The following DISP3 variants were observed in gnomAD, a reference collection of about 807,000 sequenced individuals.
The protein encoded by DISP3 is protein dispatched homolog 3.
DISP3 carries 101 observed loss-of-function variants against 135.3 expected under a neutral mutation model. The ratio of observed to expected loss-of-function variants is 0.75; its 90% CI spans 0.64 to 0.88. The LOEUF (loss-of-function observed/expected upper bound fraction) is 0.88, where lower values mean the gene tolerates loss of function less well. Among genes scored for constraint, DISP3 ranks in the 40% least tolerant of loss-of-function variants. DISP3 has a pLI of 0.00. For missense variants in DISP3, 1,713 were observed against 1,878.6 expected (o/e 0.91, Z 1.63); for synonymous variants, 856 against 817.0 (o/e 1.05, Z -0.81).
intron 1 of DISP3, among the ~76,000 whole-genome samples, chr1:11,496,632 C>A (rs780581943): frequency 2.0e-5 from 3 of 152,182 alleles, no homozygotes; most frequent in Non-Finnish European, 4.4e-5. Flanking sequence ...AACAAATTTA[C>A]AATTTGCTGC....
At chr1:11,527,937 CA>C (rs1196493098) in intron 13 of DISP3, among the ~76,000 whole-genome samples, 5 of 152,328 alleles carry the variant, frequency 3.3e-5, no homozygotes, top group African/African-American at 1.2e-4. Context: ...CACCTGCCAC[CA>C]TGCTGACCTG....
chr1:11,509,191 G>A lies in DISP3; in HGVS notation c.1317-5199G>A, dbSNP rs188821015. ...CTTAAAAGTGTGTTATTTAGTTTTC[G>A]AATATTTGGGAATTTTTCAGGCTTT... On this transcript the variant is annotated intron_variant, in intron 3 of 20. Transcript: ENST00000294484. Among the ~76,000 whole-genome samples, 119 of 151,626 alleles carry A rather than the reference G, an allele frequency of 7.8e-4. 1 individual carries two copies. The Middle Eastern group carries it at 0.017, about 22-fold the overall frequency.
chr1:11,533,471 G>A (rs1362476492), intron 17 of DISP3, among the ~76,000 whole-genome samples: 1 of 151,974 alleles, frequency 6.6e-6, no homozygotes, highest in East Asian at 1.9e-4. Context: ...TGGCCAGGCT[G>A]GTCTCGAACT....
rs777158859 is a variant in DISP3, at chr1:11,536,575, C to G, written c.4068C>G (p.Phe1356Leu). 4 of 1,612,232 alleles carry G rather than the reference C, an allele frequency of 2.5e-6. No homozygotes were observed. The highest frequency in any genetic ancestry group is 3.4e-6 in the Non-Finnish European group (4 of 1,179,908). The change falls in exon 21 of 21, where the codon TTC (phenylalanine) becomes TTG (leucine). Residue 1356 changes from phenylalanine (F) to leucine (L), a missense_variant. Physicochemically the swap from Phe to Leu is conservative, Grantham distance 22 (BLOSUM62 0). Around this residue, in one of 2 missense-constraint regions of DISP3, gnomAD observed 1,142 missense variants for 1,384.6 expected, o/e 0.82. Coordinates refer to ENST00000294484, the MANE Select transcript of DISP3 (RefSeq NM_020780.2). The surrounding 1 kb of genome is among the most constrained non-coding windows in gnomAD (Gnocchi z 4.3). The stretch of plus-strand genomic sequence containing the variant: ...CTTTCACTCGGACCCGGACTTCCTT[C>G]CTCAAGGCCCTGGGTGCCGTGCTGC... ...PSSFTRTRTS[F>L]LKALGAVLLA...
chr1:11,522,792 GAGCCCAGCCA>G (rs1375895505), intron 10 of DISP3, among the ~76,000 whole-genome samples: 2 of 141,088 alleles, frequency 1.4e-5, no homozygotes, highest in Non-Finnish European at 3.1e-5. Context: ...GGCCCAGCCA[GAGCCCAGCCA>G]GGACCCAGCC....
At chr1:11,523,470 G>C (rs896383209) in intron 10 of DISP3, among the ~76,000 whole-genome samples, 10 of 147,888 alleles carry the variant, frequency 6.8e-5, no homozygotes, top group African/African-American at 2.5e-4. Context: ...GTGGCACAGA[G>C]AGGGCAAGCG....
intron 3 of DISP3, among the ~76,000 whole-genome samples, chr1:11,508,723 G>A (rs1191895793): frequency 6.6e-6 from 1 of 152,060 alleles, no homozygotes; most frequent in Non-Finnish European, 1.5e-5. Context: ...TGCAATGTGA[G>A]GTAAGCACAT....
chr1:11,519,233 T>C lies in DISP3; in HGVS notation c.1890-122T>C. On this transcript the variant is annotated intron_variant, in intron 7 of 20. Transcript: ENST00000294484. This position sits in a 1 kb window ranked among gnomAD's most constrained non-coding sequence, Gnocchi z 4.3. ...AGCTCCCAGAAGTCTGGGGTGCTCA[T>C]CCTGTGTGTGACGTCAGCAGCACTG... 8.2e-7 allele frequency: 1 copy of C among 1,222,052 alleles called. No individual in the cohort carries two copies. Among genetic ancestry groups the C allele is most frequent in the Non-Finnish European group, 1.1e-6 (1 of 872,492 alleles). 75.7% of individuals were successfully genotyped at this position (1,222,052 alleles called of 1,614,324 possible).
rs372348817 is a variant in DISP3, at chr1:11,502,763, C to G, written c.1182C>G (p.Leu394=). Residue 394 remains leucine, a synonymous_variant, in exon 3 of 21, where the codon CTC becomes CTG. Transcript: ENST00000294484. ...CTGCAGACAATCTGAAGAGCTCCCT[C>G]CTGCGCAGTGAGATCCTGTTTGGAG... The part of the protein sequence containing the change: ...GLSADNLKSS[L]LRSEILFGAP... 39 of 1,614,092 alleles carry G rather than the reference C, an allele frequency of 2.4e-5. No homozygotes were observed. In the Admixed American group the frequency reaches 3.8e-4, roughly 16 times the overall value.
In DISP3 at chr1:11,501,482, C is replaced by G; in HGVS notation, c.490C>G (p.Arg164Gly). 6.2e-7 allele frequency: 1 copy of G among 1,605,818 alleles called. No individual in the cohort carries two copies. Among genetic ancestry groups the G allele is most frequent in the Middle Eastern group, 1.7e-4 (1 of 6,026 alleles). ...GCTGCAGCAGCTGCATCTCGGCAAC[C>G]GCTCGCGGCAAGCCTCCCGAGCCCC... is the stretch of plus-strand genomic sequence containing the variant. Reference protein sequence around the residue: ...EQLQQLHLGNRSRQASRAPRV... With the variant: ...EQLQQLHLGNGSRQASRAPRV... The change falls in exon 2 of 21, where the codon CGC becomes GGC. Residue 164 changes from arginine to glycine, a missense_variant. Around this residue, in one of 2 missense-constraint regions of DISP3, gnomAD observed 571 missense variants for 494.1 expected, o/e 1.16. Coordinates refer to ENST00000294484, the MANE Select transcript of DISP3 (RefSeq NM_020780.2). This position sits in a 1 kb window ranked among gnomAD's most constrained non-coding sequence, Gnocchi z 4.9.
chr1:11,537,057 C>G lies in DISP3; in HGVS notation c.*371C>G. 1 of 213,952 alleles carries G rather than the reference C, an allele frequency of 4.7e-6. No individual in the cohort carries two copies. Among genetic ancestry groups the G allele is most frequent in the Non-Finnish European group, 9.3e-6 (1 of 107,542 alleles). 13.3% of individuals were successfully genotyped at this position (213,952 alleles called of 1,614,324 possible). On this transcript the variant is annotated 3_prime_UTR_variant, in exon 21 of 21. Coordinates refer to ENST00000294484, the MANE Select transcript of DISP3 (RefSeq NM_020780.2). The stretch of plus-strand genomic sequence containing the variant: ...CAGTGTGGATGTTACAGGGTGGCCC[C>G]CATTCTACCGATGTGAAAACTGAGG...
chr1:11,501,395 C>T lies in DISP3; in HGVS notation c.403C>T (p.Arg135Trp), dbSNP rs776203034. The T allele has an allele frequency of 6.2e-6, 10 of 1,600,588 alleles. No homozygotes were observed. Among genetic ancestry groups the T allele is most frequent in the East Asian group, 2.2e-5 (1 of 44,812 alleles). The stretch of plus-strand genomic sequence containing the variant: ...TAAGTCCCAGTTTGGATCCTGGGGG[C>T]GGAACCGGCGCGATTTGGCCGACTT... ...ALKSQFGSWGRNRRDLADFTS... is the reference protein window; with the variant it reads ...ALKSQFGSWGWNRRDLADFTS... The change falls in exon 2 of 21, where the codon CGG (arginine) becomes TGG (tryptophan). Residue 135 changes from arginine (R) to tryptophan (W), a missense_variant. Arg to Trp is a moderately radical substitution (Grantham distance 101, BLOSUM62 -3). Coordinates refer to ENST00000294484, the MANE Select transcript of DISP3 (RefSeq NM_020780.2). This position sits in a 1 kb window ranked among gnomAD's most constrained non-coding sequence, Gnocchi z 4.9.
chr1:11,530,409 A>G (rs1037209503), intron 15 of DISP3, among the ~76,000 whole-genome samples: 4 of 152,158 alleles, frequency 2.6e-5, no homozygotes, highest in Non-Finnish European at 4.4e-5. Context: ...AAGGATTCCT[A>G]GGAGGAAGGA....
intron 1 of DISP3, among the ~76,000 whole-genome samples, chr1:11,489,536 C>T (rs1641126801): frequency 6.6e-6 from 1 of 152,212 alleles, no homozygotes; most frequent in Admixed American, 6.5e-5. Context: ...ATGCTGCCCC[C>T]TCCAGTTATT....
intron 10 of DISP3, among the ~76,000 whole-genome samples, chr1:11,522,647 C>T (rs1418750407): frequency 8.3e-6 from 1 of 120,590 alleles, no homozygotes; most frequent in Non-Finnish European, 1.8e-5. Context: ...AGAGCCCAGC[C>T]AGGGCCCAGC....
Position 11,517,540 on chromosome 1 carries a change from G to A in DISP3, c.1827G>A (p.Met609Ile), listed in dbSNP as rs746218959. ...GCTGGCTGGCCGTGCTTGTCACCATGCCTGCAGCTCTGGGCCTCTGGAGCC... is the reference window on the plus strand; with the variant it reads ...GCTGGCTGGCCGTGCTTGTCACCATACCTGCAGCTCTGGGCCTCTGGAGCC... ...SCCWLAVLVT[M>I]PAALGLWSLY... The change falls in exon 7 of 21, where the codon ATG (methionine) becomes ATA (isoleucine). Residue 609 changes from methionine to isoleucine, a missense_variant. This residue lies in a region of DISP3 where 1,142 missense variants were observed against 1,384.6 expected (regional missense o/e 0.82). Transcript: ENST00000294484. 3 of 1,614,188 alleles carry A rather than the reference G, an allele frequency of 1.9e-6. No homozygotes were observed. The highest frequency in any genetic ancestry group is 2.5e-6 in the Non-Finnish European group (3 of 1,180,036).
chr1:11,507,773 G>T (rs148857279), intron 3 of DISP3, among the ~76,000 whole-genome samples: 157 of 152,286 alleles, frequency 1.0e-3, no homozygotes, highest in African/African-American at 3.6e-3. Flanking sequence ...TAAGGATACT[G>T]GTCTTCCATG....
intron 10 of DISP3, among the ~76,000 whole-genome samples, chr1:11,523,218 T>C (rs939855475): frequency 1.3e-5 from 2 of 152,096 alleles, no homozygotes; most frequent in Admixed American, 6.5e-5. Context: ...ACTTTGAAGG[T>C]GTAGTTCTCT....
intron 3 of DISP3, among the ~76,000 whole-genome samples, chr1:11,513,354 C>G (rs1485392391): frequency 6.6e-6 from 1 of 152,094 alleles, no homozygotes; most frequent in African/African-American, 2.4e-5. Context: ...CAGTTTTTGT[C>G]TATCTAAAAA....
Sources: allele counts gnomAD v4.1 joint callset (sites outside exome capture counted in the v4.1 genomes callset), GRCh38; gene constraint gnomAD v4.1.1; regional missense constraint gnomAD v4.1.1; non-coding constraint Gnocchi (gnomAD v3.1); transcripts MANE v1.5; gene names NCBI Gene and HGNC (gene_info 2026-07-23, HGNC 2026-07-21).